The following FBXW11 variants were observed in gnomAD, a reference collection of about 807,000 sequenced individuals.
FBXW11 encodes the protein F-box/WD repeat-containing protein 11.
In FBXW11, 19 loss-of-function variants were observed where a neutral mutation model predicts 77.6. That is an observed-to-expected ratio of 0.24 (90% CI 0.17 to 0.36). The LOEUF (loss-of-function observed/expected upper bound fraction) is 0.36, where lower values mean the gene tolerates loss of function less well. Among genes scored for constraint, FBXW11 ranks in the 10% least tolerant of loss-of-function variants. The pLI is 1.00. For missense variants in FBXW11, 334 were observed against 704.2 expected (o/e 0.47, Z 5.95); for synonymous variants, 235 against 249.4 (o/e 0.94, Z 0.54).
At chr5:171,874,359 T>C (rs183567361) in intron 9 of FBXW11, among the ~76,000 whole-genome samples, 2 of 152,238 alleles carry the variant, frequency 1.3e-5, no homozygotes, top group Admixed American at 6.5e-5. Flanking sequence ...AGACAAATAA[T>C]AGGAAGTGTT....
chr5:171,987,761 G>C (rs1765524464), intron 1 of FBXW11, among the ~76,000 whole-genome samples: 1 of 151,982 alleles, frequency 6.6e-6, no homozygotes. Flanking sequence ...CCAAGGGTAA[G>C]TTTTTAAAAT....
intron 13 of FBXW11, chr5:171,867,845 T>G (rs934669776): frequency 6.6e-6 from 1 of 152,242 alleles, no homozygotes; most frequent in Non-Finnish European, 1.5e-5. Context: ...TATGTTTATA[T>G]GTAAACATTT....
Position 171,942,176 on chromosome 5 carries a change from T to C in FBXW11, c.147+15421A>G, listed in dbSNP as rs577341837. Among the ~76,000 whole-genome samples the C allele has an allele frequency of 8.7e-3, 1,313 of 151,426 alleles. 9 individuals are homozygous for C. The highest frequency in any genetic ancestry group is 0.011 in the Non-Finnish European group (772 of 67,896). On this transcript the variant is annotated intron_variant, in intron 2 of 13. Coordinates refer to ENST00000517395, the MANE Select transcript of FBXW11 (RefSeq NM_001378974.1). ...GTGTATTTCCTACAAAGGAGGATGTTCTACATAGTCATAATACGAGAATCA... is the reference window on the plus strand; with the variant it reads ...GTGTATTTCCTACAAAGGAGGATGTCCTACATAGTCATAATACGAGAATCA...
In FBXW11 at chr5:171,914,322, T is replaced by A. The variant is rs143832199; in HGVS notation, c.210+21A>T. The A allele has an allele frequency of 9.8e-5, 156 of 1,593,846 alleles. No individual in the cohort carries two copies. In the African/African-American group the frequency reaches 1.9e-3, roughly 19 times the overall value. On this transcript the variant is annotated intron_variant, in intron 3 of 13. Transcript: ENST00000517395. ...CTACAGTAAGTCAGTTGCTATCTAA[T>A]CTGTGCGCCGTCATTCCTACCTGCC...
In FBXW11 at chr5:171,957,640, G is replaced by A; in HGVS notation, c.104C>T (p.Ala35Val). ...GCANLVESMC[A>V]LSCLQSMPSV... ...GGGCATGCTCTGCAGGCAACTCAGT[G>A]CGCACATGCTCTCTACCAGGTTGGC... The change falls in exon 2 of 14, where the codon GCA (alanine) becomes GTA (valine). Residue 35 changes from alanine to valine, a missense_variant. Physicochemically the swap from Ala to Val is moderately conservative, Grantham distance 64 (BLOSUM62 0). Transcript: ENST00000517395. 1.2e-6 allele frequency: 2 copies of A among 1,614,192 alleles called. No individual in the cohort carries two copies. The highest frequency in any genetic ancestry group is 1.7e-6 in the Non-Finnish European group (2 of 1,180,020).
intron 7 of FBXW11, among the ~76,000 whole-genome samples, chr5:171,883,699 T>C (rs1229486016): frequency 6.6e-6 from 1 of 152,182 alleles, no homozygotes; most frequent in Non-Finnish European, 1.5e-5. Flanking sequence ...TATCACAATG[T>C]GGTTTTGATT....
rs144799808 is a variant in FBXW11, at chr5:171,965,453, G to A, written c.46-7755C>T. Among the ~76,000 whole-genome samples, 265 of 151,888 alleles carry A rather than the reference G, an allele frequency of 1.7e-3. 2 individuals are homozygous for A. Among genetic ancestry groups the A allele is most frequent in the African/African-American group, 6.2e-3 (255 of 41,386 alleles). ...AGGCACGAGAATTGCTTGAACCCAG[G>A]AGGCAGAGGTTACAGGGAGCTGAGA... On this transcript the variant is annotated intron_variant, in intron 1 of 13. Coordinates refer to ENST00000517395, the MANE Select transcript of FBXW11 (RefSeq NM_001378974.1).
intron 1 of FBXW11, among the ~76,000 whole-genome samples, chr5:171,977,038 A>G (rs1459904049): frequency 6.6e-6 from 1 of 151,168 alleles, no homozygotes; most frequent in Non-Finnish European, 1.5e-5. Context: ...TCCAACTCAA[A>G]AAAAAAAAAA....
chr5:171,882,867 G>T (rs1758616461), intron 7 of FBXW11, among the ~76,000 whole-genome samples: 2 of 151,952 alleles, frequency 1.3e-5, no homozygotes. Flanking sequence ...TGATTTGTGA[G>T]ATTCTGGTGC....
chr5:171,952,088 C>T (rs1368078135), intron 2 of FBXW11, among the ~76,000 whole-genome samples: 1 of 152,026 alleles, frequency 6.6e-6, no homozygotes, highest in East Asian at 1.9e-4. Context: ...GCACACTGTG[C>T]TAGCCCCTCC....
chr5:171,994,718 C>G (rs1446147111), intron 1 of FBXW11, among the ~76,000 whole-genome samples: 1 of 152,104 alleles, frequency 6.6e-6, no homozygotes, highest in Non-Finnish European at 1.5e-5. Context: ...ACCACCACCA[C>G]CACCACCACC....
At chr5:171,969,932 T>C (rs917101971) in intron 1 of FBXW11, among the ~76,000 whole-genome samples, 4 of 152,146 alleles carry the variant, frequency 2.6e-5, no homozygotes, top group Non-Finnish European at 4.4e-5. Flanking sequence ...CTCAAACTCC[T>C]GGCCTCCAGT....
intron 7 of FBXW11, among the ~76,000 whole-genome samples, chr5:171,880,953 C>T (rs1758460736): frequency 6.6e-6 from 1 of 152,202 alleles, no homozygotes; most frequent in South Asian, 2.1e-4. Context: ...ACCTCGGCCT[C>T]CCTAAAGTGC....
chr5:171,953,395 A>G lies in FBXW11; in HGVS notation c.147+4202T>C, dbSNP rs1442051157. Among the ~76,000 whole-genome samples, 4 of 152,350 alleles carry G rather than the reference A, an allele frequency of 2.6e-5. No homozygotes were observed. The East Asian group carries it at 5.8e-4, about 22-fold the overall frequency. ...GACCCAGAGTGCTATAGGATAATTA[A>G]GATAATCAACAAGAAATGACAAATC... On this transcript the variant is annotated intron_variant, in intron 2 of 13. Coordinates refer to ENST00000517395, the MANE Select transcript of FBXW11 (RefSeq NM_001378974.1).
In FBXW11 at chr5:172,006,576, G is replaced by C. The variant is rs1251850403; in HGVS notation, c.-74C>G. On this transcript the variant is annotated 5_prime_UTR_variant, in exon 1 of 14. Coordinates refer to ENST00000517395, the MANE Select transcript of FBXW11 (RefSeq NM_001378974.1). ...CCCGGGCGGAGGAGGCGACGGCGGA[G>C]GCGGCAGAGGCGGAGGCGGCTATCG... 7.0e-7 allele frequency: 1 copy of C among 1,420,636 alleles called. No individual in the cohort carries two copies. The highest frequency in any genetic ancestry group is 1.5e-5 in the African/African-American group (1 of 66,824). The allele number at this position is 1,420,636 out of a possible 1,614,324, so 88.0% of individuals were successfully genotyped here.
Position 171,998,823 on chromosome 5 carries a change from G to GGC in FBXW11, c.45+7633_45+7634dup, listed in dbSNP as rs1168553894. On this transcript the variant is annotated intron_variant, in intron 1 of 13. Coordinates refer to ENST00000517395, the MANE Select transcript of FBXW11 (RefSeq NM_001378974.1). ...AAAAAAAAAAAAAAAAAAAGACTGT[G>GGC]GCAAGACATACTATAATGGTACTCA... Among the ~76,000 whole-genome samples the GGC allele has an allele frequency of 2.0e-5, 3 of 151,316 alleles. No individual in the cohort carries two copies. The East Asian group carries it at 5.8e-4, about 29-fold the overall frequency.
chr5:171,909,725 G>A (rs1026146137), intron 4 of FBXW11, among the ~76,000 whole-genome samples: 2 of 152,122 alleles, frequency 1.3e-5, no homozygotes, highest in African/African-American at 4.8e-5. Flanking sequence ...GCGCGTGCAT[G>A]TACACACCTA....
Position 171,891,585 on chromosome 5 carries a change from C to T in FBXW11, c.734G>A (p.Arg245Gln), listed in dbSNP as rs746846429. 3.7e-6 allele frequency: 6 copies of T among 1,608,266 alleles called. No individual in the cohort carries two copies. Among genetic ancestry groups the T allele is most frequent in the East Asian group, 2.2e-5 (1 of 44,618 alleles). Residue 245 changes from arginine (R) to glutamine (Q), a missense_variant, in exon 7 of 14, where the codon CGG becomes CAG. Coordinates refer to ENST00000517395, the MANE Select transcript of FBXW11 (RefSeq NM_001378974.1). The part of the protein sequence containing the change: ...QDIETIESNW[R>Q]CGRHNLQRIQ... ...CCTCTGCAAGTTGTGTCGTCCACAC[C>T]GCCAGTTAGATTCTATAGTCTAGGG...
chr5:171,994,363 T>C (rs1765911862), intron 1 of FBXW11, among the ~76,000 whole-genome samples: 1 of 152,182 alleles, frequency 6.6e-6, no homozygotes, highest in Admixed American at 6.5e-5. Context: ...CTCATTAGGT[T>C]ACTACAGGTT....
Sources: allele counts gnomAD v4.1 joint callset (sites outside exome capture counted in the v4.1 genomes callset), GRCh38; gene constraint gnomAD v4.1.1; transcripts MANE v1.5; gene names NCBI Gene and HGNC (gene_info 2026-07-23, HGNC 2026-07-21).